MCU: variants seen among roughly 807,000 people sequenced by gnomAD.
The protein encoded by MCU is mitochondrial calcium uniporter.
A neutral mutation model predicts 45.2 loss-of-function variants in MCU; 12 were observed. That is an observed-to-expected ratio of 0.27 (90% CI 0.17 to 0.43). The LOEUF is 0.43. Ranked by LOEUF, MCU falls within the 20% of genes least tolerant of loss-of-function variation. The probability of loss-of-function intolerance (pLI) is 1.00; values close to 1 mark genes in which losing one functional copy is unlikely to be tolerated. For synonymous variants in MCU, 160 were observed against 165.1 expected, an observed-to-expected ratio of 0.97 and a Z score of 0.24; for missense variants, 324 against 436.7, an observed-to-expected ratio of 0.74 and a Z score of 2.30.
chr10:72,693,286 C>T lies in MCU; in HGVS notation c.150+985C>T, dbSNP rs569846830. Among the ~76,000 whole-genome samples, 13 of 152,108 alleles carry T rather than the reference C, an allele frequency of 8.5e-5. No individual in the cohort carries two copies. The East Asian group carries it at 2.5e-3, about 29-fold the overall frequency. ...GCATGGAGTTCTTAACCTAACAAGT[C>T]AGGAGGTTTCCTTCCCTTGGACTTT... On this transcript the variant is annotated intron_variant, in intron 1 of 7. Transcript: ENST00000373053.
At chr10:72,842,075 T>G (rs754690814) in intron 2 of MCU, among the ~76,000 whole-genome samples, 5 of 152,210 alleles carry the variant, frequency 3.3e-5, no homozygotes, top group Admixed American at 2.0e-4. Context: ...AGCCAGGAGT[T>G]TGAGACCAGC....
chr10:72,841,798 A>C (rs1176608262), intron 2 of MCU, among the ~76,000 whole-genome samples: 2 of 152,228 alleles, frequency 1.3e-5, no homozygotes, highest in African/African-American at 4.8e-5. Flanking sequence ...CTACCCCAGA[A>C]GTAATCAGTT....
At chr10:72,701,158 C>T (rs543712535) in intron 1 of MCU, among the ~76,000 whole-genome samples, 4 of 152,160 alleles carry the variant, frequency 2.6e-5, no homozygotes, top group Non-Finnish European at 5.9e-5. Context: ...GATAAATTGT[C>T]AGATAATAAG....
intron 7 of MCU, 172 bp downstream of exon 7, chr10:72,884,554 C>G: frequency 4.0e-6 from 2 of 504,342 alleles, no homozygotes; most frequent in East Asian, 3.0e-5. Flanking sequence ...ATGGACATTT[C>G]TCTAGAAAGT....
At chr10:72,834,550 C>A in intron 2 of MCU, 122 bp downstream of exon 2, 2 of 694,074 alleles carry the variant, frequency 2.9e-6, no homozygotes, top group Non-Finnish European at 4.7e-6. Flanking sequence ...GCTTAGGGGT[C>A]AGAGAGAGAA....
At chr10:72,729,895 A>G (rs1043406102) in intron 1 of MCU, among the ~76,000 whole-genome samples, 1 of 151,392 alleles carries the variant, frequency 6.6e-6, no homozygotes, top group Non-Finnish European at 1.5e-5. Flanking sequence ...AGACTTTGCC[A>G]AATATCACCT....
chr10:72,883,020 A>G (rs1845728832), intron 6 of MCU, among the ~76,000 whole-genome samples: 1 of 152,206 alleles, frequency 6.6e-6, no homozygotes, highest in Non-Finnish European at 1.5e-5. Context: ...CCCGATAACT[A>G]TTAATGGAAT....
In MCU at chr10:72,871,362, A is replaced by G. The variant is rs748414807; in HGVS notation, c.658-15A>G. The G allele has an allele frequency of 6.2e-7, 1 of 1,612,984 alleles. No individual in the cohort carries two copies. The highest frequency in any genetic ancestry group is 8.5e-7 in the Non-Finnish European group (1 of 1,178,926). ...TTTTATGTCAAAATGCCTTATGATTATGTGTGCCCAATAGGTACGAATTGA... is the reference window on the plus strand; with the variant it reads ...TTTTATGTCAAAATGCCTTATGATTGTGTGTGCCCAATAGGTACGAATTGA... On this transcript the variant is annotated splice_polypyrimidine_tract_variant and intron_variant, in intron 5 of 7. Transcript: ENST00000373053.
At chr10:72,792,411 C>T (rs567054300) in intron 1 of MCU, among the ~76,000 whole-genome samples, 4 of 152,250 alleles carry the variant, frequency 2.6e-5, no homozygotes, top group Admixed American at 1.3e-4. Context: ...TTGGAATCAG[C>T]GGAAAAGAAT....
chr10:72,883,225 G>A (rs1002933700), intron 6 of MCU, among the ~76,000 whole-genome samples: 26 of 152,124 alleles, frequency 1.7e-4, no homozygotes, highest in African/African-American at 5.8e-4. Context: ...TGGGGGTTTG[G>A]GGGGAGAGGA....
rs1845748857 is a variant in MCU, at chr10:72,884,382, G to C, written c.978G>C (p.Gln326His). 1.3e-6 allele frequency: 2 copies of C among 1,570,532 alleles called. No homozygotes were observed. The highest frequency in any genetic ancestry group is 1.8e-6 in the Non-Finnish European group (2 of 1,141,654). Residue 326 changes from glutamine (Q) to histidine (H), a missense_variant and splice_region_variant, in exon 7 of 8, where the codon CAG becomes CAC. By Grantham distance (24) the Gln-to-His change is conservative (BLOSUM62 0). Coordinates refer to ENST00000373053, the MANE Select transcript of MCU (RefSeq NM_138357.3). ...KYNQLKDAIA[Q>H]AEMDLKRLRD... ...ATCAACTCAAGGATGCAATTGCTCAGGTAAGTTTTACAAAAATTAAAATAA... is the reference window on the plus strand; with the variant it reads ...ATCAACTCAAGGATGCAATTGCTCACGTAAGTTTTACAAAAATTAAAATAA...
chr10:72,736,044 CA>C (rs1843248151), intron 1 of MCU, among the ~76,000 whole-genome samples: 1 of 152,064 alleles, frequency 6.6e-6, no homozygotes. Flanking sequence ...GACATTGATG[CA>C]AAAAATATTC....
intron 1 of MCU, among the ~76,000 whole-genome samples, chr10:72,830,148 C>T (rs1844858240): frequency 6.6e-6 from 1 of 152,164 alleles, no homozygotes; most frequent in Non-Finnish European, 1.5e-5. Context: ...ACCAACCACT[C>T]AGTTTTGCTG....
At chr10:72,884,649 T>A (rs1490158097) in intron 7 of MCU, among the ~76,000 whole-genome samples, 1 of 140,990 alleles carries the variant, frequency 7.1e-6, no homozygotes, top group East Asian at 2.0e-4. Context: ...TACTTTTACT[T>A]TTTTTTTTTT....
At chr10:72,710,543 GTTTTTTTTTTTT>G (rs555887994) in intron 1 of MCU, among the ~76,000 whole-genome samples, 16 of 84,302 alleles carry the variant, frequency 1.9e-4, no homozygotes, top group East Asian at 1.7e-3. Context: ...ATCACCTAAG[GTTTTTTTTTTTT>G]TTTTTTTTTT....
chr10:72,812,151 T>C (rs1004250417), intron 1 of MCU, among the ~76,000 whole-genome samples: 2 of 151,850 alleles, frequency 1.3e-5, no homozygotes, highest in Admixed American at 1.3e-4. Context: ...TTTCTTTTTG[T>C]TTTTTTTCTT....
chr10:72,692,680 T>A (rs1842638308), intron 1 of MCU: 4 of 1,209,568 alleles, frequency 3.3e-6, no homozygotes, highest in Non-Finnish European at 4.1e-6. Context: ...AGTTGTCCCC[T>A]TTCCCTCCTC....
At chr10:72,805,795 A>G (rs999566080) in intron 1 of MCU, among the ~76,000 whole-genome samples, 1 of 152,250 alleles carries the variant, frequency 6.6e-6, no homozygotes, top group African/African-American at 2.4e-5. Flanking sequence ...GCAACAGTCT[A>G]GTAGATGAAC....
intron 1 of MCU, among the ~76,000 whole-genome samples, chr10:72,790,702 TAGGGAAG>T (rs1371555007): frequency 6.6e-6 from 1 of 152,168 alleles, no homozygotes; most frequent in South Asian, 2.1e-4. Context: ...GCTCTGTATC[TAGGGAAG>T]GCTGGTGCTA....
Sources: allele counts gnomAD v4.1 joint callset (sites outside exome capture counted in the v4.1 genomes callset), GRCh38; gene constraint gnomAD v4.1.1; transcripts MANE v1.5; gene names NCBI Gene and HGNC (gene_info 2026-07-23, HGNC 2026-07-21).